The following PLTP variants were observed in gnomAD, a reference collection of about 807,000 sequenced individuals.
The protein encoded by PLTP is BPI fold containing family E.
In PLTP, 43 loss-of-function variants were observed where a neutral mutation model predicts 54.1. That is an observed-to-expected ratio of 0.79 (90% confidence interval 0.62 to 1.02). The LOEUF is 1.02. Ranked by LOEUF, PLTP falls within the 50% of genes least tolerant of loss-of-function variation. PLTP has a pLI of 0.00. For synonymous variants in PLTP, 263 were observed against 264.6 expected, an observed-to-expected ratio of 0.99 and a Z score of 0.06; for missense variants, 604 against 645.9, an observed-to-expected ratio of 0.94 and a Z score of 0.70.
At chr20:45,901,718 A>G (rs926109184) in intron 12 of PLTP, among the ~76,000 whole-genome samples, 2 of 152,092 alleles carry the variant, frequency 1.3e-5, no homozygotes, top group Non-Finnish European at 2.9e-5. Context: ...CCTGACCAAT[A>G]TGGTGAAACC....
intron 12 of PLTP, among the ~76,000 whole-genome samples, chr20:45,900,463 T>C (rs2083174233): frequency 6.6e-6 from 1 of 152,086 alleles, no homozygotes; most frequent in African/African-American, 2.4e-5. Flanking sequence ...GTGTTATTTA[T>C]TTTATGTAAC....
At chr20:45,902,987 C>CT (rs1413887389) in intron 10 of PLTP, among the ~76,000 whole-genome samples, 7 of 149,444 alleles carry the variant, frequency 4.7e-5, no homozygotes, top group Non-Finnish European at 1.0e-4. Flanking sequence ...CACTGCAACT[C>CT]TGTCTCCCAG....
At chr20:45,899,811 A>ACCCC in intron 13 of PLTP, 25 bp downstream of exon 13, 3 of 211,048 alleles carry the variant, frequency 1.4e-5, no homozygotes, top group Non-Finnish European at 2.7e-5. Context: ...AACCCAGCCC[A>ACCCC]GCCCACCCAC....
chr20:45,899,765 T>A, intron 13 of PLTP, 71 bp downstream of exon 13: 1 of 1,600,882 alleles, frequency 6.2e-7, no homozygotes, highest in Non-Finnish European at 8.5e-7. Flanking sequence ...AGCAGTTATA[T>A]GAGGAGGGGG....
intron 7 of PLTP, among the ~76,000 whole-genome samples, 163 bp downstream of exon 7, chr20:45,907,529 C>T (rs980949328): frequency 6.6e-6 from 1 of 152,100 alleles, no homozygotes; most frequent in South Asian, 2.1e-4. Context: ...GAAACAAGCA[C>T]TTTGCCCAGA....
intron 10 of PLTP, among the ~76,000 whole-genome samples, chr20:45,904,463 CAAAA>C (rs558426126): frequency 1.8e-3 from 276 of 149,548 alleles, no homozygotes; most frequent in African/African-American, 6.2e-3. Context: ...ACTCTTGTCT[CAAAA>C]AAAAAAATAA....
At chr20:45,908,737 G>A (rs1000286743) in intron 5 of PLTP, among the ~76,000 whole-genome samples, 3 of 152,092 alleles carry the variant, frequency 2.0e-5, no homozygotes, top group Middle Eastern at 3.4e-3. Flanking sequence ...AGGAGGTGGA[G>A]GTTGCAGTAA....
chr20:45,911,501 G>C lies in PLTP; in HGVS notation c.-11-38C>G, dbSNP rs1047913966. 3 of 1,598,456 alleles carry C rather than the reference G, an allele frequency of 1.9e-6. No homozygotes were observed. In the African/African-American group the frequency reaches 4.0e-5, roughly 21 times the overall value. Reference sequence around the variant, plus strand: ...TGGGGTCGCAGGAGTTATCTGAGCCGCTTAAACCCATTCCTTGGACGTCCA... The same window carrying C: ...TGGGGTCGCAGGAGTTATCTGAGCCCCTTAAACCCATTCCTTGGACGTCCA... On this transcript the variant is annotated intron_variant, in intron 1 of 15. Transcript: ENST00000372431.
intron 3 of PLTP, 82 bp from the exon 4 acceptor site, chr20:45,910,152 C>T: frequency 6.7e-7 from 1 of 1,494,272 alleles, no homozygotes; most frequent in Admixed American, 1.7e-5. Flanking sequence ...GCTCCCCTTT[C>T]AAGTCCAGGC....
chr20:45,903,948 C>T (rs1275198934), intron 10 of PLTP, among the ~76,000 whole-genome samples: 1 of 152,152 alleles, frequency 6.6e-6, no homozygotes, highest in Non-Finnish European at 1.5e-5. Context: ...ATTTTCCTAC[C>T]TTGACCTCTC....
At chr20:45,903,570 C>T (rs2083207656) in intron 10 of PLTP, among the ~76,000 whole-genome samples, 1 of 152,106 alleles carries the variant, frequency 6.6e-6, no homozygotes, top group Non-Finnish European at 1.5e-5. Flanking sequence ...CTTCTATAGG[C>T]AGTGAAGGAA....
chr20:45,909,496 G>C lies in PLTP; in HGVS notation c.485+20C>G. On this transcript the variant is annotated intron_variant, in intron 5 of 15. Coordinates refer to ENST00000372431, the MANE Select transcript of PLTP (RefSeq NM_006227.4). ...TGTGGGGCTCGAAAAGGGTGAGCTGGGGTTGGGGCTGGGGCTTACTTGAAG... is the reference window on the plus strand; with the variant it reads ...TGTGGGGCTCGAAAAGGGTGAGCTGCGGTTGGGGCTGGGGCTTACTTGAAG... The C allele has an allele frequency of 1.2e-6, 2 of 1,613,806 alleles. No individual in the cohort carries two copies. Among genetic ancestry groups the C allele is most frequent in the Non-Finnish European group, 1.7e-6 (2 of 1,179,870 alleles).
chr20:45,904,097 C>T (rs2083212893), intron 10 of PLTP, among the ~76,000 whole-genome samples: 1 of 152,122 alleles, frequency 6.6e-6, no homozygotes, highest in African/African-American at 2.4e-5. Context: ...GCTTGAAGCC[C>T]AGGCAGTCTG....
At chr20:45,910,138 G>T in intron 3 of PLTP, 68 bp from the exon 4 acceptor site, 2 of 1,572,264 alleles carry the variant, frequency 1.3e-6, no homozygotes, top group South Asian at 1.1e-5. Context: ...CAGGAAATTT[G>T]TCTGCTCCCC....
intron 10 of PLTP, among the ~76,000 whole-genome samples, chr20:45,904,281 TAATG>T (rs1464646751): frequency 6.6e-6 from 1 of 152,088 alleles, no homozygotes; most frequent in Non-Finnish European, 1.5e-5. Context: ...CTGAGCAACA[TAATG>T]AAACTCTGTC....
At chr20:45,904,728 G>T in intron 10 of PLTP, 72 bp downstream of exon 10, 1 of 1,497,970 alleles carries the variant, frequency 6.7e-7, no homozygotes, top group Admixed American at 1.7e-5. Flanking sequence ...TGCCACTGGG[G>T]GCCCCACCTG....
rs200297865 is a variant in PLTP at position 45,899,022 on chromosome 20, C to T, written c.1401G>A (p.Gly467=). ...TIGADLHFAK[G]LREVIEKNRP... ...GGTTCTTCTCAATCACCTCTCGCAGCCCTTTGGCAAAGTGGAGATCAGCCC... is the reference window on the plus strand; with the variant it reads ...GGTTCTTCTCAATCACCTCTCGCAGTCCTTTGGCAAAGTGGAGATCAGCCC... The change falls in exon 16 of 16, where the codon GGG becomes GGA. Residue 467 remains glycine (G), a synonymous_variant. Transcript: ENST00000372431. The T allele has an allele frequency of 3.8e-5, 62 of 1,614,170 alleles. No homozygotes were observed. The East Asian group carries it at 1.1e-3, about 28-fold the overall frequency.
chr20:45,899,812 G>GGGGCCCCCCCCCCCCCCC, intron 13 of PLTP, 24 bp downstream of exon 13: 1 of 309,344 alleles, frequency 3.2e-6, no homozygotes, highest in Non-Finnish European at 6.2e-6. Context: ...ACCCAGCCCA[G>GGGGCCCCCCCCCCCCCCC]CCCACCCACC....
In PLTP at chr20:45,902,686, T is replaced by C. The variant is rs1158121979; in HGVS notation, c.943-82A>G. ...AGGGAAGAAGGGGAAGGAAGGCAGG[T>C]GCAGCTTCTGTCCTCTGGGGACTCT... On this transcript the variant is annotated intron_variant, in intron 10 of 15. Coordinates refer to ENST00000372431, the MANE Select transcript of PLTP (RefSeq NM_006227.4). 3 of 1,417,034 alleles carry C rather than the reference T, an allele frequency of 2.1e-6. No individual in the cohort carries two copies. In the African/African-American group the frequency reaches 4.3e-5, roughly 20 times the overall value. 87.8% of individuals were successfully genotyped at this position (1,417,034 alleles called of 1,614,324 possible).
Sources: allele counts gnomAD v4.1 joint callset (sites outside exome capture counted in the v4.1 genomes callset), GRCh38; gene constraint gnomAD v4.1.1; transcripts MANE v1.5; gene names NCBI Gene and HGNC (gene_info 2026-07-23, HGNC 2026-07-21).